Variants in FLI1 observed in about 807,000 individuals in gnomAD.
The protein encoded by FLI1 is Fli-1 proto-oncogene, ETS transcription factor, also known as Friend leukemia integration 1 transcription factor.
A neutral mutation model predicts 53.1 loss-of-function variants in FLI1; 13 were observed. The observed-to-expected ratio is 0.24, with a 90% CI of 0.16 to 0.39. The LOEUF is 0.39. FLI1 is among the 10% of genes least tolerant of loss of function. The pLI, the probability that FLI1 is intolerant of heterozygous loss-of-function variation, is 1.00. For missense variants in FLI1, 424 were observed against 600.5 expected (o/e 0.71, Z 3.07); for synonymous variants, 244 against 236.7 (o/e 1.03, Z -0.28).
At chr11:128,787,870 G>A (rs1441033207) in intron 5 of FLI1, among the ~76,000 whole-genome samples, 1 of 145,982 alleles carries the variant, frequency 6.9e-6, no homozygotes. Flanking sequence ...GCGGTGGCGT[G>A]ATCTCGGCTC....
intron 5 of FLI1, among the ~76,000 whole-genome samples, chr11:128,796,108 T>C (rs763051095): frequency 1.3e-5 from 2 of 152,040 alleles, no homozygotes; most frequent in African/African-American, 4.8e-5. Context: ...CAGCCCAGAG[T>C]TCTTTCCTTT....
chr11:128,805,327 G>A lies in FLI1; in HGVS notation c.656-39G>A, dbSNP rs527296652. ...GCTCATGCAACTTTTCTGAGAAGCAGGCGATGCTAATGTACCCCTATTTGT... is the reference window on the plus strand; with the variant it reads ...GCTCATGCAACTTTTCTGAGAAGCAAGCGATGCTAATGTACCCCTATTTGT... On this transcript the variant is annotated intron_variant, in intron 5 of 8. Transcript: ENST00000527786. 4.3e-5 allele frequency: 54 copies of A among 1,270,534 alleles called. 1 individual carries two copies. The South Asian group carries it at 6.1e-4, about 14-fold the overall frequency. 78.7% of individuals were successfully genotyped at this position (1,270,534 alleles called of 1,614,324 possible).
At chr11:128,756,331 C>T (rs1415223557) in intron 1 of FLI1, among the ~76,000 whole-genome samples, 2 of 152,190 alleles carry the variant, frequency 1.3e-5, no homozygotes, top group African/African-American at 4.8e-5. Context: ...ATGGCAGCCC[C>T]TCTGTGCACA....
intron 1 of FLI1, among the ~76,000 whole-genome samples, chr11:128,731,343 A>T (rs1939688992): frequency 6.6e-6 from 1 of 152,254 alleles, no homozygotes; most frequent in Non-Finnish European, 1.5e-5. Flanking sequence ...CTCTGAGCAC[A>T]GGTTGCCTGG....
chr11:128,772,879 C>T lies in FLI1; in HGVS notation c.483C>T (p.Asn161=), dbSNP rs375288472. 80 of 1,613,804 alleles carry T rather than the reference C, an allele frequency of 5.0e-5. No individual in the cohort carries two copies. Among genetic ancestry groups the T allele is most frequent in the Non-Finnish European group, 6.1e-5 (72 of 1,179,784 alleles). The change falls in exon 4 of 9, where the codon AAC becomes AAT. Residue 161 remains asparagine (N), a synonymous_variant. Coordinates refer to ENST00000527786, the MANE Select transcript of FLI1 (RefSeq NM_002017.5). Reference sequence around the variant, plus strand: ...AGATCGACACATCCTTTTTCCAGAACATGGATGGCAAGGAACTGTGTAAAA... The same window carrying T: ...AGATCGACACATCCTTTTTCCAGAATATGGATGGCAAGGAACTGTGTAAAA... ...LMEIDTSFFQ[N]MDGKELCKMN...
chr11:128,723,351 T>C (rs753782474), intron 1 of FLI1, among the ~76,000 whole-genome samples: 2 of 152,154 alleles, frequency 1.3e-5, no homozygotes, highest in East Asian at 1.9e-4. Flanking sequence ...AGGAGGTACA[T>C]TGTGGTGCAG....
chr11:128,702,634 G>C (rs545299036), intron 1 of FLI1, among the ~76,000 whole-genome samples: 25 of 152,294 alleles, frequency 1.6e-4, no homozygotes, highest in African/African-American at 5.8e-4. Context: ...GGCCAAGGCG[G>C]GTGGATCACC....
intron 2 of FLI1, among the ~76,000 whole-genome samples, chr11:128,766,385 G>A (rs549883088): frequency 2.6e-5 from 4 of 152,238 alleles, no homozygotes; most frequent in South Asian, 2.1e-4. Context: ...AACAGTAGGC[G>A]AATAGTAAAA....
chr11:128,781,943 T>G lies in FLI1; in HGVS notation c.590-15T>G. ...GAACATTTTGGTTATAACCTGTTTA[T>G]GTTTTGCCTCTCAGGTTCACTGCTG... On this transcript the variant is annotated splice_polypyrimidine_tract_variant and intron_variant, in intron 4 of 8. Coordinates refer to ENST00000527786, the MANE Select transcript of FLI1 (RefSeq NM_002017.5). The G allele has an allele frequency of 6.2e-7, 1 of 1,609,804 alleles. No homozygotes were observed. Among genetic ancestry groups the G allele is most frequent in the Non-Finnish European group, 8.5e-7 (1 of 1,176,054 alleles).
intron 4 of FLI1, among the ~76,000 whole-genome samples, chr11:128,776,331 G>A (rs1014487218): frequency 2.6e-5 from 4 of 152,104 alleles, no homozygotes; most frequent in Non-Finnish European, 5.9e-5. Context: ...TGATGGCTGG[G>A]GTGGCCACGG....
rs189448261 is a variant in FLI1, at chr11:128,784,846, G to C, written c.655+2823G>C. On this transcript the variant is annotated intron_variant, in intron 5 of 8. Transcript: ENST00000527786. ...CCCAAACAAACCCAGAGTTCATCAA[G>C]AGCACCAGAGCTGTGTGTGTGTGTG... Among the ~76,000 whole-genome samples the C allele has an allele frequency of 2.9e-3, 433 of 151,448 alleles. 5 individuals are homozygous for C. Among genetic ancestry groups the C allele is most frequent in the African/African-American group, 0.01 (416 of 40,756 alleles).
chr11:128,809,715 T>C (rs187254614), intron 8 of FLI1, among the ~76,000 whole-genome samples: 1 of 152,298 alleles, frequency 6.6e-6, no homozygotes, highest in East Asian at 1.9e-4. Context: ...CAAAAATAAC[T>C]CTCAAGAGGG....
intron 5 of FLI1, among the ~76,000 whole-genome samples, chr11:128,793,579 G>C: frequency 6.6e-6 from 1 of 152,184 alleles, no homozygotes; most frequent in Non-Finnish European, 1.5e-5. Context: ...TCTCACCCCT[G>C]TGCCAGAAGG....
At chr11:128,745,448 C>A (rs910920899) in intron 1 of FLI1, among the ~76,000 whole-genome samples, 2 of 152,070 alleles carry the variant, frequency 1.3e-5, no homozygotes, top group Non-Finnish European at 2.9e-5. Context: ...CCATATGCCC[C>A]GAGCCACAAA....
chr11:128,694,380 C>T (rs895914871), intron 1 of FLI1, 104 bp downstream of exon 1: 2 of 919,754 alleles, frequency 2.2e-6, no homozygotes, highest in African/African-American at 3.4e-5. Flanking sequence ...TGGCCTCTCT[C>T]CCTTCCCTCC....
intron 5 of FLI1, among the ~76,000 whole-genome samples, chr11:128,786,004 A>G (rs1015922509): frequency 2.6e-5 from 4 of 152,252 alleles, no homozygotes; most frequent in East Asian, 1.9e-4. Context: ...TTTATGTTAC[A>G]TATTTTACTA....
At chr11:128,774,444 C>A (rs1405586281) in intron 4 of FLI1, among the ~76,000 whole-genome samples, 1 of 152,162 alleles carries the variant, frequency 6.6e-6, no homozygotes, top group Admixed American at 6.5e-5. Context: ...TTCATATTTT[C>A]AGCTTTTAAC....
intron 2 of FLI1, among the ~76,000 whole-genome samples, chr11:128,766,145 G>T (rs1194278727): frequency 6.6e-6 from 1 of 152,216 alleles, no homozygotes; most frequent in Non-Finnish European, 1.5e-5. Flanking sequence ...CAGGGCGGGT[G>T]AGGGGACCCA....
intron 2 of FLI1, among the ~76,000 whole-genome samples, chr11:128,763,181 C>T (rs1159667653): frequency 1.3e-5 from 2 of 152,146 alleles, no homozygotes; most frequent in Non-Finnish European, 2.9e-5. Context: ...AGCTACCATG[C>T]CCACTTGCTT....
Sources: gnomAD v4.1 joint callset for allele counts (sites outside exome capture counted in the v4.1 genomes callset) on GRCh38, gnomAD v4.1.1 for gene constraint, MANE v1.5 for transcripts, NCBI Gene and HGNC (gene_info 2026-07-23, HGNC 2026-07-21) for gene names.